Variants in RNLS observed in about 807,000 individuals in gnomAD.
RNLS encodes renalase.
Under a neutral mutation model 39.8 loss-of-function variants are expected in RNLS, and 39 were observed. That is an observed-to-expected ratio of 0.98 (90% CI 0.76 to 1.28). The LOEUF is 1.28. Among genes scored for constraint, RNLS ranks in the 50% most tolerant of loss-of-function variants. The pLI, the probability that RNLS is intolerant of heterozygous loss-of-function variation, is 0.00. For missense variants in RNLS, 410 were observed against 413.3 expected, an observed-to-expected ratio of 0.99 and a Z score of 0.07; for synonymous variants, 147 against 150.7, an observed-to-expected ratio of 0.98 and a Z score of 0.18.
intron 4 of RNLS, among the ~76,000 whole-genome samples, chr10:88,536,819 T>C (rs1421083536): frequency 1.3e-5 from 2 of 152,164 alleles, no homozygotes; most frequent in Non-Finnish European, 2.9e-5. Flanking sequence ...AACCAAGCTG[T>C]CAACTTTCCC....
intron 4 of RNLS, among the ~76,000 whole-genome samples, chr10:88,459,258 T>C (rs1564816670): frequency 1.3e-5 from 2 of 152,082 alleles, no homozygotes; most frequent in Non-Finnish European, 1.5e-5. Context: ...TATTAAAATA[T>C]GTACTTTATA....
At chr10:88,490,049 G>T (rs1481013508) in intron 4 of RNLS, among the ~76,000 whole-genome samples, 1 of 152,026 alleles carries the variant, frequency 6.6e-6, no homozygotes, top group Non-Finnish European at 1.5e-5. Context: ...AAAAATAAAT[G>T]TTTTATATGG....
chr10:88,493,542 A>G (rs1300611240), intron 4 of RNLS, among the ~76,000 whole-genome samples: 3 of 151,946 alleles, frequency 2.0e-5, no homozygotes, highest in Non-Finnish European at 4.4e-5. Flanking sequence ...AAAGTTTCTC[A>G]TTTTTTTCCT....
chr10:88,177,456 G>A, the RNLS span, among the ~76,000 whole-genome samples: 1 of 152,006 alleles, frequency 6.6e-6, no homozygotes, highest in Non-Finnish European at 1.5e-5. Flanking sequence ...ATCTATCTCT[G>A]TTGAATTTCT....
chr10:88,202,768 C>T, the RNLS span, among the ~76,000 whole-genome samples: 5 of 152,182 alleles, frequency 3.3e-5, no homozygotes, highest in Non-Finnish European at 2.9e-5. Flanking sequence ...CTTGACGGGG[C>T]GCCCTGGTCC....
At chr10:88,567,344 C>T (rs74147230) in intron 4 of RNLS, among the ~76,000 whole-genome samples, 3,315 of 152,176 alleles carry the variant, frequency 0.022, 109 homozygotes, top group South Asian at 0.076. Context: ...GTCTATGACA[C>T]GGTGTTGCTT....
At position 88,287,961 on chromosome 10, in the gene RNLS, C is replaced by G. The variant is rs1276391552; in HGVS notation, c.877-2455G>C. On this transcript the variant is annotated intron_variant, in intron 6 of 6. Coordinates refer to ENST00000331772, the MANE Select transcript of RNLS (RefSeq NM_001031709.3). ...GGATGCTATATAAAAACTCAAAACC[C>G]AGACAAGACTGGGAAGAATCCTGGC... 2.6e-5 allele frequency among the ~76,000 whole-genome samples: 4 copies of G among 152,034 alleles called. No individual in the cohort carries two copies. In the East Asian group the frequency reaches 7.7e-4, roughly 29 times the overall value.
the RNLS span, among the ~76,000 whole-genome samples, chr10:88,249,607 G>A: frequency 4.6e-5 from 7 of 152,132 alleles, no homozygotes; most frequent in Admixed American, 3.9e-4. Flanking sequence ...TTGCTCACAT[G>A]TCTGGTGCCT....
At chr10:88,384,087 G>A (rs1322265110) in intron 4 of RNLS, among the ~76,000 whole-genome samples, 1 of 152,052 alleles carries the variant, frequency 6.6e-6, no homozygotes, top group Non-Finnish European at 1.5e-5. Context: ...ATCTTGTCAT[G>A]TAATTGCCCA....
At chr10:88,234,171 G>A in the RNLS span, among the ~76,000 whole-genome samples, 6 of 151,200 alleles carry the variant, frequency 4.0e-5, no homozygotes, top group Non-Finnish European at 8.8e-5. Flanking sequence ...GAGGGAGAAG[G>A]AAGGGACCAG....
chr10:88,185,836 T>C, the RNLS span, among the ~76,000 whole-genome samples: 1 of 152,158 alleles, frequency 6.6e-6, no homozygotes, highest in Non-Finnish European at 1.5e-5. Flanking sequence ...TTAATTAATG[T>C]CCTTTAAAAT....
At chr10:88,272,758 A>G (rs1265217951), downstream of RNLS, among the ~76,000 whole-genome samples, 1 of 152,164 alleles carries the variant, frequency 6.6e-6, no homozygotes, top group Non-Finnish European at 1.5e-5. Context: ...CGTTTTTTTA[A>G]GATAGATACT....
At chr10:88,176,899 C>T in the RNLS span, among the ~76,000 whole-genome samples, 3 of 152,328 alleles carry the variant, frequency 2.0e-5, no homozygotes, top group South Asian at 2.1e-4. Context: ...GTTCTTTCAG[C>T]ACTTGGAATA....
At chr10:88,200,310 T>C in the RNLS span, among the ~76,000 whole-genome samples, 8 of 152,244 alleles carry the variant, frequency 5.3e-5, no homozygotes, top group African/African-American at 1.9e-4. Flanking sequence ...ATGTATCACA[T>C]GCTTACTGCA....
chr10:88,340,448 T>G (rs1336980704), intron 5 of RNLS, among the ~76,000 whole-genome samples: 1 of 151,508 alleles, frequency 6.6e-6, no homozygotes, highest in Non-Finnish European at 1.5e-5. Flanking sequence ...CCTTTCTCTT[T>G]GATGGAGTAT....
chr10:88,249,050 G>A, the RNLS span, among the ~76,000 whole-genome samples: 1 of 152,168 alleles, frequency 6.6e-6, no homozygotes, highest in Admixed American at 6.5e-5. Flanking sequence ...CGTCTGCTCT[G>A]TATTGCAAGC....
chr10:88,187,196 A>ATT, the RNLS span, among the ~76,000 whole-genome samples: 82 of 7,582 alleles, frequency 0.011, 2 homozygotes, highest in African/African-American at 0.048. Context: ...TAATATATAT[A>ATT]ATATATATAT....
intron 4 of RNLS, among the ~76,000 whole-genome samples, chr10:88,546,182 A>T (rs1417118500): frequency 6.6e-6 from 1 of 152,088 alleles, no homozygotes; most frequent in East Asian, 1.9e-4. Context: ...AAAATTTAAA[A>T]CTATATAATT....
chr10:88,415,511 A>G (rs1853960849), intron 4 of RNLS, among the ~76,000 whole-genome samples: 1 of 152,222 alleles, frequency 6.6e-6, no homozygotes, highest in African/African-American at 2.4e-5. Flanking sequence ...CAATATAGTG[A>G]ATATAGTGAC....
Sources: allele counts gnomAD v4.1 joint callset (sites outside exome capture counted in the v4.1 genomes callset), GRCh38; gene constraint gnomAD v4.1.1; transcripts MANE v1.5; gene names NCBI Gene and HGNC (gene_info 2026-07-23, HGNC 2026-07-21).